The following SPMIP4 variants were observed in gnomAD, a reference collection of about 807,000 sequenced individuals.
SPMIP4 encodes the protein sperm microtubule inner protein 4, also known as sperm-associated microtubule inner protein 4.
chr7:25,148,499 C>A, the SPMIP4 span, among the ~76,000 whole-genome samples: 1 of 136,618 alleles, frequency 7.3e-6, no homozygotes, highest in African/African-American at 2.9e-5. Flanking sequence ...TTTTTTGAGA[C>A]AGAGTCTGAC....
chr7:25,131,626 A>G, the SPMIP4 span, among the ~76,000 whole-genome samples: 2 of 152,288 alleles, frequency 1.3e-5, no homozygotes, highest in Middle Eastern at 6.8e-3. The surrounding 1 kb of genome is among the most constrained non-coding windows in gnomAD (Gnocchi z 4.2). Context: ...CACTTCCAAA[A>G]TGGCAGCAGG....
the SPMIP4 span, among the ~76,000 whole-genome samples, chr7:25,162,146 C>A: frequency 1.3e-5 from 2 of 151,700 alleles, no homozygotes; most frequent in East Asian, 3.9e-4. Context: ...TGGCCCACAC[C>A]TGTAATCCCA....
chr7:25,173,286 T>C, the SPMIP4 span, among the ~76,000 whole-genome samples: 1 of 152,212 alleles, frequency 6.6e-6, no homozygotes, highest in African/African-American at 2.4e-5. The surrounding 1 kb of genome is among the most constrained non-coding windows in gnomAD (Gnocchi z 4.4). Context: ...TGGAATGTAT[T>C]ATCTTGTGAA....
chr7:25,176,842 T>C, the SPMIP4 span, among the ~76,000 whole-genome samples: 1 of 152,236 alleles, frequency 6.6e-6, no homozygotes, highest in East Asian at 1.9e-4. The surrounding 1 kb of genome is among the most constrained non-coding windows in gnomAD (Gnocchi z 4.4). Context: ...TTTATTAGTA[T>C]AAAGAGCATG....
chr7:25,176,900 G>T, the SPMIP4 span, among the ~76,000 whole-genome samples: 7 of 152,218 alleles, frequency 4.6e-5, no homozygotes, highest in Non-Finnish European at 8.8e-5. This position sits in a 1 kb window ranked among gnomAD's most constrained non-coding sequence, Gnocchi z 4.4. Flanking sequence ...GATGGTGAAA[G>T]GCTAAGCGCA....
chr7:25,144,870 T>A, the SPMIP4 span, among the ~76,000 whole-genome samples: 3 of 152,194 alleles, frequency 2.0e-5, no homozygotes, highest in African/African-American at 7.2e-5. Flanking sequence ...AATATGTGGC[T>A]TACTTATTCA....
the SPMIP4 span, among the ~76,000 whole-genome samples, chr7:25,150,735 T>G: frequency 1.3e-5 from 2 of 152,210 alleles, no homozygotes; most frequent in South Asian, 4.1e-4. Flanking sequence ...ACAAACCAGA[T>G]TTCTGTGATC....
chr7:25,130,312 C>CTTTTT, the SPMIP4 span, among the ~76,000 whole-genome samples: 1 of 131,724 alleles, frequency 7.6e-6, no homozygotes, highest in Non-Finnish European at 1.6e-5. Flanking sequence ...GTTATCACTT[C>CTTTTT]TTTTTTTTTT....
chr7:25,146,818 T>C, the SPMIP4 span, among the ~76,000 whole-genome samples: 12 of 147,886 alleles, frequency 8.1e-5, no homozygotes, highest in African/African-American at 2.9e-4. Context: ...AGGAGGTTTA[T>C]GGCACTTGAC....
chr7:25,173,329 C>A, the SPMIP4 span, among the ~76,000 whole-genome samples: 1 of 152,210 alleles, frequency 6.6e-6, no homozygotes, highest in Non-Finnish European at 1.5e-5. This position sits in a 1 kb window ranked among gnomAD's most constrained non-coding sequence, Gnocchi z 4.4. Context: ...AAGCATGGCC[C>A]ATGGGCCAAA....
At chr7:25,167,403 T>C in the SPMIP4 span, among the ~76,000 whole-genome samples, 5 of 152,236 alleles carry the variant, frequency 3.3e-5, no homozygotes, top group Admixed American at 2.6e-4. Flanking sequence ...TACAGTTCCA[T>C]GAGAGCGTGG....
chr7:25,173,382 T>C, the SPMIP4 span, among the ~76,000 whole-genome samples: 6 of 152,248 alleles, frequency 3.9e-5, no homozygotes, highest in East Asian at 1.9e-4. The surrounding 1 kb of genome is among the most constrained non-coding windows in gnomAD (Gnocchi z 4.4). Context: ...TCTATTGGAA[T>C]ACAGCCATGA....
chr7:25,163,879 T>C, the SPMIP4 span, among the ~76,000 whole-genome samples: 13 of 152,214 alleles, frequency 8.5e-5, no homozygotes, highest in African/African-American at 3.1e-4. The surrounding 1 kb of genome is among the most constrained non-coding windows in gnomAD (Gnocchi z 4.4). Flanking sequence ...ACTAAATGTC[T>C]CATTCATTGC....
chr7:25,134,668 T>C, the SPMIP4 span: 5 of 985,996 alleles, frequency 5.1e-6, no homozygotes, highest in Non-Finnish European at 6.0e-6. Context: ...CACAAAACTC[T>C]AGGAGTGCAA....
chr7:25,136,427 C>G, the SPMIP4 span: 2 of 1,614,124 alleles, frequency 1.2e-6, no homozygotes, highest in Non-Finnish European at 1.7e-6. This position sits in a 1 kb window ranked among gnomAD's most constrained non-coding sequence, Gnocchi z 5.7. Flanking sequence ...CAGTATAAAT[C>G]TTCTGTCTTT....
At chr7:25,176,712 C>T in the SPMIP4 span, among the ~76,000 whole-genome samples, 1 of 152,150 alleles carries the variant, frequency 6.6e-6, no homozygotes, top group South Asian at 2.1e-4. This position sits in a 1 kb window ranked among gnomAD's most constrained non-coding sequence, Gnocchi z 4.4. Flanking sequence ...TCCTGTGCTT[C>T]ATTTTCATAA....
the SPMIP4 span, chr7:25,161,202 C>T: frequency 1.2e-5 from 18 of 1,552,924 alleles, no homozygotes; most frequent in African/African-American, 1.4e-4. Flanking sequence ...GAATCATTTC[C>T]ATAGACATCA....
At chr7:25,136,696 T>C in the SPMIP4 span, 2 of 1,614,092 alleles carry the variant, frequency 1.2e-6, no homozygotes, top group East Asian at 4.5e-5. The surrounding 1 kb of genome is among the most constrained non-coding windows in gnomAD (Gnocchi z 5.7). Context: ...TGGTCTTTGC[T>C]GGACTATAGC....
chr7:25,134,548 C>CT, the SPMIP4 span: 1 of 387,410 alleles, frequency 2.6e-6, no homozygotes, highest in South Asian at 1.1e-4. Context: ...AAAGAGAAGG[C>CT]TGTGCCACCC....
Sources: gnomAD v4.1 joint callset for allele counts (sites outside exome capture counted in the v4.1 genomes callset) on GRCh38, gnomAD v4.1.1 for gene constraint, Gnocchi (gnomAD v3.1) non-coding constraint, MANE v1.5 for transcripts, NCBI Gene and HGNC (gene_info 2026-07-23, HGNC 2026-07-21) for gene names.